ANK1: variants seen among roughly 807,000 people sequenced by gnomAD.
ANK1 encodes ankyrin-1.
A neutral mutation model predicts 210.4 loss-of-function variants in ANK1; 51 were observed. The ratio of observed to expected loss-of-function variants is 0.24; its 90% CI spans 0.19 to 0.31. The LOEUF (loss-of-function observed/expected upper bound fraction) is 0.31. ANK1 is among the 10% of genes least tolerant of loss of function. The probability of loss-of-function intolerance (pLI) is 1.00; values close to 1 mark genes in which losing one functional copy is unlikely to be tolerated. For missense variants in ANK1, 2,051 were observed against 2,504.4 expected, an observed-to-expected ratio of 0.82 and a Z score of 3.86; for synonymous variants, 967 against 1,025.9, an observed-to-expected ratio of 0.94 and a Z score of 1.10.
intron 1 of ANK1, among the ~76,000 whole-genome samples, chr8:41,778,112 G>A (rs565007757): frequency 4.6e-5 from 7 of 152,314 alleles, no homozygotes; most frequent in East Asian, 1.9e-4. Context: ...TCACTCAAAT[G>A]TGAACTGTTG....
intron 2 of ANK1, among the ~76,000 whole-genome samples, chr8:41,752,485 AT>A (rs1350833957): frequency 2.0e-5 from 3 of 152,098 alleles, no homozygotes; most frequent in African/African-American, 7.2e-5. Context: ...AGGCTCAAAT[AT>A]CCAACTGCTT....
chr8:41,698,110 G>C lies in ANK1; in HGVS notation c.2570C>G (p.Pro857Arg). Residue 857 changes from proline (P) to arginine (R), a missense_variant, in exon 24 of 43, where the codon CCA becomes CGA. Pro to Arg is a moderately radical substitution (Grantham distance 103). This residue lies in a region of ANK1 where 1,413 missense variants were observed against 1,707.4 expected (regional missense o/e 0.83). Transcript: ENST00000289734. ...GGCACAGGGAATCCTGGGGATGGCT[G>C]GAGATTCCACCCTGCGTGCCAAGAA... ...VPKLDQVVES[P>R]AIPRIPCAMP... The C allele has an allele frequency of 6.2e-7, 1 of 1,614,090 alleles. No homozygotes were observed. The highest frequency in any genetic ancestry group is 8.5e-7 in the Non-Finnish European group (1 of 1,180,032).
At position 41,723,181 on chromosome 8, in the gene ANK1, C is replaced by A. The variant is rs377658590; in HGVS notation, c.853G>T (p.Val285Leu). 2.5e-6 allele frequency: 4 copies of A among 1,614,038 alleles called. No individual in the cohort carries two copies. In the East Asian group the frequency reaches 6.7e-5, roughly 27 times the overall value. ...TCCAGCAGGATCTCTGAGATTCGCA[C>A]GTGCCCATTTCGAGCTGCACAGTGG... ...PLHCAARNGH[V>L]RISEILLDHG... The change falls in exon 9 of 43, where the codon GTG (valine) becomes TTG (leucine). Residue 285 changes from valine (V) to leucine (L), a missense_variant. This residue lies in a region of ANK1 where 1,413 missense variants were observed against 1,707.4 expected (regional missense o/e 0.83). Coordinates refer to ENST00000289734, the MANE Select transcript of ANK1 (RefSeq NM_000037.4).
At chr8:41,684,476 G>A in intron 37 of ANK1, 68 bp downstream of exon 37, 1 of 1,598,022 alleles carries the variant, frequency 6.3e-7, no homozygotes, top group South Asian at 1.1e-5. Context: ...GTGGGAAGGG[G>A]TTATTGGTGC....
At chr8:41,711,488 T>A (rs1398965776) in intron 16 of ANK1, among the ~76,000 whole-genome samples, 1 of 152,106 alleles carries the variant, frequency 6.6e-6, no homozygotes, top group Admixed American at 6.6e-5. Context: ...CACCAAATTA[T>A]CAACAGGACC....
intron 20 of ANK1, among the ~76,000 whole-genome samples, chr8:41,703,580 C>T (rs1414943625): frequency 6.6e-6 from 1 of 150,668 alleles, no homozygotes; most frequent in Non-Finnish European, 1.5e-5. Flanking sequence ...ACCTCCCGGA[C>T]TCAGGCTATC....
chr8:41,671,508 A>T (rs1056612224), intron 38 of ANK1, among the ~76,000 whole-genome samples: 5 of 152,076 alleles, frequency 3.3e-5, no homozygotes, highest in African/African-American at 1.2e-4. Context: ...TGGTGCTCTA[A>T]TGTCCCTAAG....
At chr8:41,814,099 T>C (rs1407841706) in intron 1 of ANK1, among the ~76,000 whole-genome samples, 1 of 152,134 alleles carries the variant, frequency 6.6e-6, no homozygotes, top group Non-Finnish European at 1.5e-5. Context: ...TGGCGGCTCA[T>C]GCCTGTAATC....
chr8:41,670,914 C>T (rs1004829517), intron 38 of ANK1, among the ~76,000 whole-genome samples: 6 of 152,312 alleles, frequency 3.9e-5, no homozygotes, highest in Non-Finnish European at 8.8e-5. Context: ...CTCTGTCATC[C>T]GCTTCCTGTG....
chr8:41,870,763 A>G (rs1815318185), intron 1 of ANK1, among the ~76,000 whole-genome samples: 1 of 152,184 alleles, frequency 6.6e-6, no homozygotes, highest in Non-Finnish European at 1.5e-5. Context: ...GCTTTAGCTG[A>G]CCAAGGTTTT....
At chr8:41,743,146 C>A (rs1835215759) in intron 2 of ANK1, among the ~76,000 whole-genome samples, 1 of 152,090 alleles carries the variant, frequency 6.6e-6, no homozygotes, top group Non-Finnish European at 1.5e-5. Context: ...AGGTCTGCAG[C>A]CCTGCAGCAG....
At position 41,693,417 on chromosome 8, in the gene ANK1, CTTTTTTTTTTTTTTTTTTTTTTTT is replaced by C. The variant is rs71239074; in HGVS notation, c.3533-240_3533-217del. On this transcript the variant is annotated intron_variant, in intron 29 of 42. Coordinates refer to ENST00000289734, the MANE Select transcript of ANK1 (RefSeq NM_000037.4). ...GAGAGTTCTTCCCCAGGGGCATGGA[CTTTTTTTTTTTTTTTTTTTTTTTT>C]TTTTTTTTTTTTTGAGATGGCGTTT... Among the ~76,000 whole-genome samples the C allele has an allele frequency of 8.8e-5, 4 of 45,234 alleles. No individual in the cohort carries two copies. In the Admixed American group the frequency reaches 1.0e-3, roughly 11 times the overall value. The allele number at this position is 45,234 out of a possible 152,430, so 29.7% of individuals were successfully genotyped here.
At chr8:41,833,507 A>G (rs746888050) in intron 1 of ANK1, among the ~76,000 whole-genome samples, 54 of 152,246 alleles carry the variant, frequency 3.5e-4, no homozygotes, top group African/African-American at 7.0e-4. Context: ...GGTTGATGCA[A>G]CAAGGATAAA....
chr8:41,672,397 G>A lies in ANK1; in HGVS notation c.5053C>T (p.His1685Tyr), dbSNP rs756631961. Reference sequence around the variant, plus strand: ...GTCACCTGACTCACGGTGGGGGAATGTGTGATTCGGGCTTGCCCCCTCTGA... The same window carrying A: ...GTCACCTGACTCACGGTGGGGGAATATGTGATTCGGGCTTGCCCCCTCTGA... ...GHQRGQARITHSPTVSQVTER... is the reference protein window; with the variant it reads ...GHQRGQARITYSPTVSQVTER... Residue 1685 changes from histidine (H) to tyrosine (Y), a missense_variant, in exon 38 of 43, where the codon CAT (histidine) becomes TAT (tyrosine). Physicochemically the swap from His to Tyr is moderately conservative, Grantham distance 83. This residue lies in a region of ANK1 where 496 missense variants were observed against 533.4 expected (regional missense o/e 0.93). Coordinates refer to ENST00000289734, the MANE Select transcript of ANK1 (RefSeq NM_000037.4). 3.7e-6 allele frequency: 6 copies of A among 1,614,104 alleles called. No homozygotes were observed. The highest frequency in any genetic ancestry group is 5.1e-6 in the Non-Finnish European group (6 of 1,180,052).
intron 2 of ANK1, among the ~76,000 whole-genome samples, chr8:41,744,691 C>T (rs117744485): frequency 0.029 from 4,412 of 152,230 alleles, 123 homozygotes; most frequent in African/African-American, 0.068. Flanking sequence ...CCCGCCACCA[C>T]GCCCAGCTAA....
rs1417563591 is a variant in ANK1 at position 41,759,234 on chromosome 8, G to A, written c.28-1097C>T. ...AAGTAATACTAACAGAAGGCTGGGC[G>A]TGGTGGCTCAAACCTGTAATCCCAG... On this transcript the variant is annotated intron_variant, in intron 1 of 42. Transcript: ENST00000289734. Among the ~76,000 whole-genome samples the A allele has an allele frequency of 5.3e-5, 8 of 152,318 alleles. No individual in the cohort carries two copies. In the East Asian group the frequency reaches 7.7e-4, roughly 15 times the overall value.
rs1179459853 is a variant in ANK1, at chr8:41,672,610, C to G, written c.4840G>C (p.Glu1614Gln). 1 of 1,614,226 alleles carries G rather than the reference C, an allele frequency of 6.2e-7. No individual in the cohort carries two copies. Among genetic ancestry groups the G allele is most frequent in the South Asian group, 1.1e-5 (1 of 91,086 alleles). ...TCCACAAGTTCCAGAGAGCCCAACT[C>G]GGGGCCCCGCGGTTCCTCTGAGAGT... ...GALSEEPRGP[E>Q]LGSLELVEDD... is the part of the protein sequence containing the mutation. The change falls in exon 38 of 43, where the codon GAG becomes CAG. Residue 1614 changes from glutamate (E) to glutamine (Q), a missense_variant. Glu to Gln is a conservative substitution (Grantham distance 29). Coordinates refer to ENST00000289734, the MANE Select transcript of ANK1 (RefSeq NM_000037.4).
chr8:41,715,553 T>G, intron 14 of ANK1, 99 bp downstream of exon 14: 2 of 1,448,356 alleles, frequency 1.4e-6, no homozygotes, highest in Non-Finnish European at 1.9e-6. Context: ...GCAGCATCAT[T>G]GAGGTGACAA....
At chr8:41,742,191 A>AT (rs531970707) in intron 2 of ANK1, among the ~76,000 whole-genome samples, 109 of 152,324 alleles carry the variant, frequency 7.2e-4, no homozygotes, top group African/African-American at 2.6e-3. Context: ...AATTCCAGAC[A>AT]TTTGTTCTCG....
Sources: allele counts gnomAD v4.1 joint callset (sites outside exome capture counted in the v4.1 genomes callset), GRCh38; gene constraint gnomAD v4.1.1; regional missense constraint gnomAD v4.1.1; transcripts MANE v1.5; gene names NCBI Gene and HGNC (gene_info 2026-07-23, HGNC 2026-07-21).